The following WNK1 variants were observed in gnomAD, a reference collection of about 807,000 sequenced individuals.
WNK1 encodes serine/threonine-protein kinase WNK1.
In WNK1, 38 loss-of-function variants were observed where a neutral mutation model predicts 222.8. The observed-to-expected ratio is 0.17, with a 90% CI of 0.13 to 0.22. The LOEUF is 0.22. Ranked by LOEUF, WNK1 falls within the 10% of genes least tolerant of loss-of-function variation. WNK1 has a pLI of 1.00. For synonymous variants in WNK1, 1,090 were observed against 1,092.9 expected, an observed-to-expected ratio of 1.00 and a Z score of 0.05; for missense variants, 2,348 against 2,918.4, an observed-to-expected ratio of 0.80 and a Z score of 4.50.
intron 4 of WNK1, among the ~76,000 whole-genome samples, chr12:834,385 G>A (rs977736035): frequency 6.6e-6 from 1 of 152,198 alleles, no homozygotes; most frequent in African/African-American, 2.4e-5. Flanking sequence ...TTTTAATGGT[G>A]AAAGAGACTT....
At chr12:802,229 T>G (rs1945950221) in intron 1 of WNK1, among the ~76,000 whole-genome samples, 1 of 152,206 alleles carries the variant, frequency 6.6e-6, no homozygotes, top group South Asian at 2.1e-4. Context: ...TACTAATTAG[T>G]TACGAGGATG....
chr12:837,513 G>A (rs967430527), intron 4 of WNK1, among the ~76,000 whole-genome samples: 1 of 150,936 alleles, frequency 6.6e-6, no homozygotes, highest in Admixed American at 6.6e-5. Context: ...GGCAGAGGTT[G>A]CAGTGAGCCG....
rs144098518 is a variant in WNK1, at chr12:777,855, T to G, written c.759+23531T>G. On this transcript the variant is annotated intron_variant, in intron 1 of 27. Transcript: ENST00000315939. ...TTCCAACAGTTTACAGTATTTATCA[T>G]CTGTGTTTGTTTGCTGTTCAGATAT... Among the ~76,000 whole-genome samples, 271 of 152,346 alleles carry G rather than the reference T, an allele frequency of 1.8e-3. 2 individuals carry two copies. The highest frequency in any genetic ancestry group is 0.017 in the East Asian group (89 of 5,188).
intron 1 of WNK1, among the ~76,000 whole-genome samples, chr12:773,047 T>G (rs1942716758): frequency 6.6e-6 from 1 of 152,028 alleles, no homozygotes; most frequent in Non-Finnish European, 1.5e-5. Context: ...TCACCTGAGG[T>G]CAGGAGTTCG....
Position 876,136 on chromosome 12 carries a change from G to A in WNK1, c.2224-2076G>A, listed in dbSNP as rs375420669. Among the ~76,000 whole-genome samples the A allele has an allele frequency of 9.2e-5, 14 of 152,280 alleles. 2 individuals are homozygous for A. The highest frequency in any genetic ancestry group is 6.5e-4 in the Admixed American group (10 of 15,296). On this transcript the variant is annotated intron_variant, in intron 9 of 27. Transcript: ENST00000315939. Reference sequence around the variant, plus strand: ...AGAATACATTATCAGAGGCCGGGGCGCGGTGGCTCACGCCTGTAATCCTAG... The same window carrying A: ...AGAATACATTATCAGAGGCCGGGGCACGGTGGCTCACGCCTGTAATCCTAG...
chr12:889,193 A>G lies in WNK1; in HGVS notation c.5418A>G (p.Pro1806=), dbSNP rs56245971. 1.4e-4 allele frequency: 227 copies of G among 1,613,990 alleles called. No individual in the cohort carries two copies. Among genetic ancestry groups the G allele is most frequent in the Non-Finnish European group, 1.8e-4 (216 of 1,179,972 alleles). ...CTCAATTGAGAAGAACACTTAGTCC[A>G]GAGATGATCACAGTGACTTCTGCGG... ...LDAQLRRTLS[P]EMITVTSAVG... is the part of the protein sequence containing the mutation. Residue 1806 remains proline, a synonymous_variant, in exon 21 of 28, where the codon CCA becomes CCG. Coordinates refer to ENST00000315939, the MANE Select transcript of WNK1 (RefSeq NM_018979.4).
chr12:851,313 A>G (rs1392548680), intron 4 of WNK1: 3 of 969,392 alleles, frequency 3.1e-6, no homozygotes, highest in Non-Finnish European at 3.7e-6. Flanking sequence ...TCTAGTGTAC[A>G]TAGAGTTAAG....
At chr12:889,600 C>A (rs1326707751) in intron 21 of WNK1, among the ~76,000 whole-genome samples, 1 of 152,128 alleles carries the variant, frequency 6.6e-6, no homozygotes, top group Non-Finnish European at 1.5e-5. Flanking sequence ...GGGCGGATCA[C>A]AAGGTCAGGA....
chr12:873,210 A>G (rs186082332), intron 9 of WNK1, among the ~76,000 whole-genome samples: 3 of 152,326 alleles, frequency 2.0e-5, no homozygotes, highest in African/African-American at 7.2e-5. Flanking sequence ...TTCCAAAGGA[A>G]TTGGTTATCT....
chr12:860,892 T>C (rs1279448650), intron 6 of WNK1, 121 bp from the exon 7 acceptor site: 1 of 965,708 alleles, frequency 1.0e-6, no homozygotes, highest in African/African-American at 1.7e-5. Context: ...GAGAGAATTC[T>C]TTCTTCCTCC....
intron 1 of WNK1, among the ~76,000 whole-genome samples, chr12:783,583 C>T (rs1407334579): frequency 2.1e-5 from 3 of 141,564 alleles, no homozygotes; most frequent in East Asian, 4.2e-4. Flanking sequence ...ATTGCTTGAG[C>T]CCAGGAGTTT....
chr12:847,111 C>T (rs1039196828), intron 4 of WNK1, among the ~76,000 whole-genome samples: 3 of 152,072 alleles, frequency 2.0e-5, no homozygotes, highest in Non-Finnish European at 4.4e-5. Context: ...GTAGCATTCC[C>T]AGTGTTTTAG....
At chr12:807,295 T>G (rs1946451938) in intron 1 of WNK1, among the ~76,000 whole-genome samples, 1 of 7,162 alleles carries the variant, frequency 1.4e-4, no homozygotes, top group African/African-American at 3.7e-4. Flanking sequence ...CTGTCTCTGT[T>G]TTTTTTTTTT....
intron 26 of WNK1, chr12:901,182 A>G (rs1008397406): frequency 1.7e-5 from 4 of 231,288 alleles, no homozygotes; most frequent in Admixed American, 5.2e-5. Flanking sequence ...GCTTTTAGTC[A>G]TATTAGAACA....
rs1939463835 is a variant in WNK1, at chr12:753,254, C to T, written c.-312C>T. 1 of 346,870 alleles carries T rather than the reference C, an allele frequency of 2.9e-6. No homozygotes were observed. Among genetic ancestry groups the T allele is most frequent in the Non-Finnish European group, 5.3e-6 (1 of 190,196 alleles). 21.5% of individuals were successfully genotyped at this position (346,870 alleles called of 1,614,324 possible). On this transcript the variant is annotated 5_prime_UTR_variant, in exon 1 of 28. Coordinates refer to ENST00000315939, the MANE Select transcript of WNK1 (RefSeq NM_018979.4). This position sits in a 1 kb window ranked among gnomAD's most constrained non-coding sequence, Gnocchi z 5.2. Reference sequence around the variant, plus strand: ...GCGGCGCCTCTGCTGCCACCGCCCGCCCGGCCGCCGCTCGCCGCAGGATGG... The same window carrying T: ...GCGGCGCCTCTGCTGCCACCGCCCGTCCGGCCGCCGCTCGCCGCAGGATGG...
intron 23 of WNK1, 64 bp downstream of exon 23, chr12:894,699 T>C (rs1954586047): frequency 6.9e-7 from 1 of 1,453,470 alleles, no homozygotes; most frequent in African/African-American, 1.4e-5. Context: ...TATAATAAAA[T>C]TACTGCCTAC....
chr12:765,876 A>G (rs1284903068), intron 1 of WNK1, among the ~76,000 whole-genome samples: 1 of 152,228 alleles, frequency 6.6e-6, no homozygotes, highest in East Asian at 1.9e-4. Flanking sequence ...CTGAAGTTAC[A>G]CATTTAAATA....
Position 908,563 on chromosome 12 carries a change from C to A in WNK1, c.6920C>A (p.Ala2307Glu). Residue 2307 changes from alanine (A) to glutamate (E), a missense_variant, in exon 28 of 28, where the codon GCA becomes GAA. Physicochemically the swap from Ala to Glu is moderately radical, Grantham distance 107 (BLOSUM62 -1). Coordinates refer to ENST00000315939, the MANE Select transcript of WNK1 (RefSeq NM_018979.4). ...SNLGGSAPIS[A>E]ASATSLGHFT... Reference sequence around the variant, plus strand: ...CTGGGTGGCTCTGCCCCCATCTCTGCAGCATCAGCTACCTCTCTAGGTCAC... The same window carrying A: ...CTGGGTGGCTCTGCCCCCATCTCTGAAGCATCAGCTACCTCTCTAGGTCAC... 1 of 1,614,208 alleles carries A rather than the reference C, an allele frequency of 6.2e-7. No individual in the cohort carries two copies. Among genetic ancestry groups the A allele is most frequent in the Non-Finnish European group, 8.5e-7 (1 of 1,180,038 alleles).
At chr12:836,063 T>C (rs921407037) in intron 4 of WNK1, among the ~76,000 whole-genome samples, 1 of 152,316 alleles carries the variant, frequency 6.6e-6, no homozygotes, top group South Asian at 2.1e-4. Context: ...CACAGCAAAT[T>C]CAATCATTTC....
Sources: gnomAD v4.1 joint callset for allele counts (sites outside exome capture counted in the v4.1 genomes callset) on GRCh38, gnomAD v4.1.1 for gene constraint, Gnocchi (gnomAD v3.1) non-coding constraint, MANE v1.5 for transcripts, NCBI Gene and HGNC (gene_info 2026-07-23, HGNC 2026-07-21) for gene names.